The following GALNT18 variants were observed in gnomAD, a reference collection of about 807,000 sequenced individuals.
The protein encoded by GALNT18 is GalNAc-transferase 18.
GALNT18 carries 44 observed loss-of-function variants against 69.5 expected under a neutral mutation model. The observed-to-expected ratio is 0.63, with a 90% confidence interval of 0.50 to 0.81. The LOEUF (loss-of-function observed/expected upper bound fraction) is 0.81. Among genes scored for constraint, GALNT18 ranks in the 40% least tolerant of loss-of-function variants. The probability of loss-of-function intolerance (pLI) is 0.00; values close to 1 mark genes in which losing one functional copy is unlikely to be tolerated. For missense variants in GALNT18, 715 were observed against 810.0 expected (o/e 0.88, Z 1.42); for synonymous variants, 364 against 318.2 (o/e 1.14, Z -1.53).
In GALNT18 at chr11:11,616,509, T is replaced by C. The variant is rs1417640686; in HGVS notation, c.235+4850A>G. Among the ~76,000 whole-genome samples the C allele has an allele frequency of 6.6e-6, 1 of 152,228 alleles. No homozygotes were observed. The highest frequency in any genetic ancestry group is 1.5e-5 in the Non-Finnish European group (1 of 68,028). ...GTGAAGATGTTCATTTCTGCTCTAATTATAATAGCAAAACAAATGTCCAAT... is the reference window on the plus strand; with the variant it reads ...GTGAAGATGTTCATTTCTGCTCTAACTATAATAGCAAAACAAATGTCCAAT... On this transcript the variant is annotated intron_variant, in intron 1 of 10. Transcript: ENST00000227756. This position sits in a 1 kb window ranked among gnomAD's most constrained non-coding sequence, Gnocchi z 4.4.
intron 1 of GALNT18, among the ~76,000 whole-genome samples, chr11:11,486,076 C>T (rs140169318): frequency 1.3e-5 from 2 of 152,142 alleles, no homozygotes; most frequent in South Asian, 2.1e-4. Flanking sequence ...CCTGGGAGTG[C>T]GTGGGAATCT....
intron 3 of GALNT18, among the ~76,000 whole-genome samples, chr11:11,398,061 T>C (rs1854375559): frequency 1.3e-5 from 2 of 152,240 alleles, no homozygotes; most frequent in African/African-American, 4.8e-5. Flanking sequence ...CTCCACACAT[T>C]ATAGGCATTA....
chr11:11,310,810 A>G (rs1849659830), intron 9 of GALNT18, among the ~76,000 whole-genome samples: 1 of 152,230 alleles, frequency 6.6e-6, no homozygotes, highest in African/African-American at 2.4e-5. Flanking sequence ...ATGTGGTAAC[A>G]ATTGGGTTAC....
intron 10 of GALNT18, among the ~76,000 whole-genome samples, chr11:11,292,800 C>T (rs1443834842): frequency 6.6e-6 from 1 of 152,172 alleles, no homozygotes; most frequent in Non-Finnish European, 1.5e-5. Flanking sequence ...AATAAACTCC[C>T]TCAGAGCCAA....
At position 11,430,897 on chromosome 11, in the gene GALNT18, G is replaced by A. The variant is rs1324635091; in HGVS notation, c.595+1724C>T. Among the ~76,000 whole-genome samples the A allele has an allele frequency of 6.6e-6, 1 of 152,022 alleles. No individual in the cohort carries two copies. The highest frequency in any genetic ancestry group is 1.9e-4 in the East Asian group (1 of 5,194). On this transcript the variant is annotated intron_variant, in intron 3 of 10. Coordinates refer to ENST00000227756, the MANE Select transcript of GALNT18 (RefSeq NM_198516.3). This position sits in a 1 kb window ranked among gnomAD's most constrained non-coding sequence, Gnocchi z 4.9. Reference sequence around the variant, plus strand: ...TAAAGCATGACCAAATTCCTCCATTGCCCAACTCTGACCCCATCATTCCTC... The same window carrying A: ...TAAAGCATGACCAAATTCCTCCATTACCCAACTCTGACCCCATCATTCCTC...
intron 10 of GALNT18, among the ~76,000 whole-genome samples, chr11:11,276,013 A>G (rs1378662484): frequency 3.3e-5 from 5 of 152,190 alleles, no homozygotes; most frequent in African/African-American, 9.7e-5. Flanking sequence ...TTGGCTATGC[A>G]GGCTCTTTTT....
chr11:11,365,772 G>T (rs886216238), intron 6 of GALNT18, among the ~76,000 whole-genome samples: 2 of 152,040 alleles, frequency 1.3e-5, no homozygotes, highest in African/African-American at 4.8e-5. Context: ...AAAGTATCTG[G>T]AATATGAAGA....
rs1855485399 is a variant in GALNT18 at position 11,439,337 on chromosome 11, G to A, written c.429-6550C>T. Among the ~76,000 whole-genome samples the A allele has an allele frequency of 6.6e-6, 1 of 152,196 alleles. No individual in the cohort carries two copies. The highest frequency in any genetic ancestry group is 6.5e-5 in the Admixed American group (1 of 15,278). Reference sequence around the variant, plus strand: ...GCTGCCTCCTCCAGAGCCTGCCTGTGTGGCTTCTCATTGTGTGATTGTGGG... The same window carrying A: ...GCTGCCTCCTCCAGAGCCTGCCTGTATGGCTTCTCATTGTGTGATTGTGGG... On this transcript the variant is annotated intron_variant, in intron 2 of 10. Transcript: ENST00000227756. The surrounding 1 kb of genome is among the most constrained non-coding windows in gnomAD (Gnocchi z 4.4).
intron 1 of GALNT18, among the ~76,000 whole-genome samples, chr11:11,597,239 G>T (rs1216059827): frequency 6.6e-6 from 1 of 152,160 alleles, no homozygotes; most frequent in Non-Finnish European, 1.5e-5. Context: ...AGGAGATATG[G>T]TCTGAGGTTT....
intron 1 of GALNT18, among the ~76,000 whole-genome samples, chr11:11,514,481 C>CCAG (rs1302398948): frequency 1.3e-5 from 2 of 152,148 alleles, no homozygotes; most frequent in Non-Finnish European, 2.9e-5. Context: ...CATCTCTGAG[C>CCAG]GTGAATAAGA....
chr11:11,492,957 A>T (rs1438809464), intron 1 of GALNT18, among the ~76,000 whole-genome samples: 2 of 152,292 alleles, frequency 1.3e-5, no homozygotes, highest in East Asian at 3.9e-4. Context: ...CAGAGCAGAA[A>T]GGCCATGACT....
At chr11:11,297,098 G>A (rs966770934) in intron 9 of GALNT18, among the ~76,000 whole-genome samples, 4 of 152,086 alleles carry the variant, frequency 2.6e-5, no homozygotes, top group Non-Finnish European at 5.9e-5. Flanking sequence ...AGACATTTTT[G>A]GTTGTCATGA....
At chr11:11,395,047 A>C (rs1214076386) in intron 3 of GALNT18, among the ~76,000 whole-genome samples, 1 of 152,252 alleles carries the variant, frequency 6.6e-6, no homozygotes, top group Non-Finnish European at 1.5e-5. Flanking sequence ...CTCCAGGTTC[A>C]GAACTGGGGT....
chr11:11,364,878 G>T (rs971997740), intron 6 of GALNT18, among the ~76,000 whole-genome samples: 4 of 152,146 alleles, frequency 2.6e-5, no homozygotes, highest in Non-Finnish European at 4.4e-5. Flanking sequence ...TTAGGCAGAG[G>T]TAAAGATGAA....
At chr11:11,278,797 G>A (rs1849003408) in intron 10 of GALNT18, among the ~76,000 whole-genome samples, 1 of 151,752 alleles carries the variant, frequency 6.6e-6, no homozygotes, top group East Asian at 1.9e-4. Context: ...AATGCAACAG[G>A]GTAACTATAA....
rs186539912 is a variant in GALNT18 at position 11,387,815 on chromosome 11, G to A, written c.596-8551C>T. On this transcript the variant is annotated intron_variant, in intron 3 of 10. Transcript: ENST00000227756. This position sits in a 1 kb window ranked among gnomAD's most constrained non-coding sequence, Gnocchi z 4.6. ...CAGATGGTCCTGCTGATGAATGATG[G>A]TGAGCCTGGCTTGGGCAGCTGGGAT... is the stretch of plus-strand genomic sequence containing the variant. Among the ~76,000 whole-genome samples the A allele has an allele frequency of 2.6e-5, 4 of 152,318 alleles. No individual in the cohort carries two copies. Among genetic ancestry groups the A allele is most frequent in the South Asian group, 4.1e-4 (2 of 4,832 alleles).
chr11:11,621,674 T>A lies in GALNT18; in HGVS notation c.-81A>T. On this transcript the variant is annotated 5_prime_UTR_variant, in exon 1 of 11. Coordinates refer to ENST00000227756, the MANE Select transcript of GALNT18 (RefSeq NM_198516.3). This position sits in a 1 kb window ranked among gnomAD's most constrained non-coding sequence, Gnocchi z 9.3. ...CGAACTCCCCCGCGCTCGCACCCCG[T>A]AGCACGTCCGGAGCCGCTGGGCACC... 9.3e-7 allele frequency: 1 copy of A among 1,076,280 alleles called. No homozygotes were observed. The highest frequency in any genetic ancestry group is 1.4e-6 in the Non-Finnish European group (1 of 734,840). 66.7% of individuals were successfully genotyped at this position (1,076,280 alleles called of 1,614,324 possible). A position where few individuals can be genotyped will look rare whatever the true frequency, so the allele number is the denominator to read the frequency against.
chr11:11,369,785 C>G (rs1850855376), intron 6 of GALNT18, among the ~76,000 whole-genome samples: 1 of 151,608 alleles, frequency 6.6e-6, no homozygotes, highest in South Asian at 2.1e-4. Context: ...TCCTTTTTCT[C>G]ATTGTGTTGC....
At position 11,296,981 on chromosome 11, in the gene GALNT18, G is replaced by C. The variant is rs150277320; in HGVS notation, c.1513-3788C>G. On this transcript the variant is annotated intron_variant, in intron 9 of 10. Transcript: ENST00000227756. Reference sequence around the variant, plus strand: ...CTGCAGTCCCAGCAAGCATAGCTAAGCTTTCTGAGCAATGGGGACTCTGGA... The same window carrying C: ...CTGCAGTCCCAGCAAGCATAGCTAACCTTTCTGAGCAATGGGGACTCTGGA... Among the ~76,000 whole-genome samples the C allele has an allele frequency of 3.3e-3, 509 of 152,324 alleles. 1 individual carries two copies. The highest frequency in any genetic ancestry group is 0.012 in the African/African-American group (484 of 41,566).
Sources: gnomAD v4.1 joint callset for allele counts (sites outside exome capture counted in the v4.1 genomes callset) on GRCh38, gnomAD v4.1.1 for gene constraint, Gnocchi (gnomAD v3.1) non-coding constraint, MANE v1.5 for transcripts, NCBI Gene and HGNC (gene_info 2026-07-23, HGNC 2026-07-21) for gene names.